PARP11: variants seen among roughly 807,000 people sequenced by gnomAD.
PARP11 encodes the protein poly(ADP-ribose) polymerase family member 11.
A neutral mutation model predicts 42.9 loss-of-function variants in PARP11; 31 were observed. The ratio of observed to expected loss-of-function variants is 0.72; its 90% CI spans 0.54 to 0.98. The LOEUF (loss-of-function observed/expected upper bound fraction) is 0.98. Ranked by LOEUF, PARP11 falls within the 50% of genes least tolerant of loss-of-function variation. The pLI, the probability that PARP11 is intolerant of heterozygous loss-of-function variation, is 0.00. For missense variants in PARP11, 365 were observed against 413.1 expected (o/e 0.88, Z 1.01); for synonymous variants, 137 against 127.3 (o/e 1.08, Z -0.51).
At chr12:3,842,164 A>G in intron 1 of PARP11, 3 of 1,611,924 alleles carry the variant, frequency 1.9e-6, no homozygotes, top group East Asian at 4.5e-5. Flanking sequence ...AAAGTAAAAG[A>G]TCCTAAGACT....
chr12:3,820,201 T>A (rs891064618), intron 6 of PARP11, among the ~76,000 whole-genome samples: 2 of 152,216 alleles, frequency 1.3e-5, no homozygotes, highest in South Asian at 4.1e-4. Flanking sequence ...AAGTAGGTAC[T>A]AAGACATTTT....
At chr12:3,832,810 A>G (rs1325512828) in intron 1 of PARP11, among the ~76,000 whole-genome samples, 2 of 152,248 alleles carry the variant, frequency 1.3e-5, no homozygotes, top group Admixed American at 6.5e-5. Flanking sequence ...TTCAGTCACA[A>G]TGCCATATCC....
intron 4 of PARP11, among the ~76,000 whole-genome samples, chr12:3,825,701 G>C (rs1165615932): frequency 1.3e-5 from 2 of 152,134 alleles, no homozygotes; most frequent in East Asian, 3.8e-4. Flanking sequence ...GTCAACAAAT[G>C]AGAGATTTGA....
At chr12:3,833,321 C>T (rs969190484) in intron 1 of PARP11, among the ~76,000 whole-genome samples, 8 of 152,042 alleles carry the variant, frequency 5.3e-5, no homozygotes, top group Admixed American at 1.3e-4. Context: ...ACTAGTAGGC[C>T]GGGCGTGGTA....
chr12:3,859,866 A>G (rs929145298), intron 1 of PARP11, among the ~76,000 whole-genome samples: 8 of 152,220 alleles, frequency 5.3e-5, no homozygotes, highest in African/African-American at 1.9e-4. Context: ...GGGTCATTTT[A>G]TCATGATAAA....
intron 1 of PARP11, among the ~76,000 whole-genome samples, chr12:3,865,653 A>G (rs1296794075): frequency 6.6e-6 from 1 of 152,126 alleles, no homozygotes; most frequent in African/African-American, 2.4e-5. Flanking sequence ...CCTTAACAAC[A>G]ATAAACCACT....
At chr12:3,838,290 A>G (rs1485944568) in intron 1 of PARP11, among the ~76,000 whole-genome samples, 1 of 152,026 alleles carries the variant, frequency 6.6e-6, no homozygotes, top group African/African-American at 2.4e-5. Context: ...AAACCAAAGA[A>G]AGGAGGAACT....
chr12:3,854,088 G>T (rs972501319), intron 1 of PARP11, among the ~76,000 whole-genome samples: 3 of 152,214 alleles, frequency 2.0e-5, no homozygotes, highest in African/African-American at 4.8e-5. Flanking sequence ...TGAAACCAAT[G>T]AGAACAAAGA....
In PARP11 at chr12:3,821,967, C is replaced by A; in HGVS notation, c.454G>T (p.Glu152Ter). Reference protein sequence around the residue: ...PLHNQTHEYNEVANLFGKTMD... With the variant: ...PLHNQTHEYN ...GTCTTCCCAAAGAGATTAGCAACTT[C>A]ATTATATTCATGTGTTTGATTGTGC... The change falls in exon 6 of 8, where the codon GAA becomes TAA. Residue 152 changes from glutamate (E) to a stop codon, truncating the protein, a stop_gained. Coordinates refer to ENST00000228820, the MANE Select transcript of PARP11 (RefSeq NM_020367.6). LOFTEE classifies it high-confidence loss of function. 6.2e-7 allele frequency: 1 copy of A among 1,610,390 alleles called. No individual in the cohort carries two copies.
At chr12:3,831,531 T>A (rs890288720) in intron 1 of PARP11, among the ~76,000 whole-genome samples, 1 of 152,098 alleles carries the variant, frequency 6.6e-6, no homozygotes, top group African/African-American at 2.4e-5. Flanking sequence ...CCTTCCTCAT[T>A]GGGATGTTGT....
intron 1 of PARP11, chr12:3,839,569 T>G: frequency 7.0e-7 from 1 of 1,430,290 alleles, no homozygotes; most frequent in Non-Finnish European, 9.9e-7. Context: ...ATTTGAAGGA[T>G]ATTTAAAGCG....
intron 1 of PARP11, among the ~76,000 whole-genome samples, chr12:3,854,218 T>C (rs987623061): frequency 4.0e-5 from 6 of 151,830 alleles, no homozygotes; most frequent in Non-Finnish European, 5.9e-5. Flanking sequence ...ACATCACAAT[T>C]AAAAGAACTA....
chr12:3,815,409 T>A (rs1947265274), intron 6 of PARP11, among the ~76,000 whole-genome samples: 1 of 152,226 alleles, frequency 6.6e-6, no homozygotes, highest in Admixed American at 6.5e-5. Context: ...CATTAACAAC[T>A]CAAATCACTC....
At position 3,809,386 on chromosome 12, in the gene PARP11, A is replaced by AAAC. The variant is rs1341883825; in HGVS notation, c.*2734_*2736dup. 1 of 152,188 alleles carries AAAC rather than the reference A, an allele frequency of 6.6e-6. No homozygotes were observed. Among genetic ancestry groups the AAAC allele is most frequent in the African/African-American group, 2.4e-5 (1 of 41,448 alleles). 9.4% of individuals were successfully genotyped at this position (152,188 alleles called of 1,614,324 possible). A position where few individuals can be genotyped will look rare whatever the true frequency, so the allele number is the denominator to read the frequency against. ...GGGGTTGGCAGTACATTCTCAGACCAAACAACAACAACAAGCCCCAAAAAA... is the reference window on the plus strand; with the variant it reads ...GGGGTTGGCAGTACATTCTCAGACCAAACAACAACAACAACAAGCCCCAAAAAA... On this transcript the variant is annotated 3_prime_UTR_variant, in exon 8 of 8. Transcript: ENST00000228820.
chr12:3,825,770 T>C (rs1337495262), intron 4 of PARP11, among the ~76,000 whole-genome samples: 1 of 152,102 alleles, frequency 6.6e-6, no homozygotes, highest in Non-Finnish European at 1.5e-5. Context: ...GTCGCCCAGG[T>C]TGGAGTGGCG....
At chr12:3,812,575 T>C in intron 7 of PARP11, 136 bp from the exon 8 acceptor site, 1 of 649,968 alleles carries the variant, frequency 1.5e-6, no homozygotes, top group Non-Finnish European at 2.6e-6. Flanking sequence ...CATCTGCAGA[T>C]CTTTAAGAGA....
At chr12:3,856,042 T>A (rs1238470362) in intron 1 of PARP11, among the ~76,000 whole-genome samples, 1 of 152,238 alleles carries the variant, frequency 6.6e-6, no homozygotes, top group Non-Finnish European at 1.5e-5. Flanking sequence ...AAGGATTCCC[T>A]ATTTAATAAA....
chr12:3,830,036 G>T lies in PARP11; in HGVS notation c.19-18C>A, dbSNP rs769924235. 1 of 1,609,786 alleles carries T rather than the reference G, an allele frequency of 6.2e-7. No individual in the cohort carries two copies. The highest frequency in any genetic ancestry group is 2.2e-5 in the East Asian group (1 of 44,834). ...AACATCTCCTGAAAAGCCAGAAGGA[G>T]GTGGAGGAAGAAATAATTCTATTAA... On this transcript the variant is annotated intron_variant, in intron 1 of 7. Coordinates refer to ENST00000228820, the MANE Select transcript of PARP11 (RefSeq NM_020367.6).
chr12:3,832,478 T>A (rs1591772864), intron 1 of PARP11, among the ~76,000 whole-genome samples: 2 of 152,342 alleles, frequency 1.3e-5, no homozygotes, highest in East Asian at 3.9e-4. Flanking sequence ...TTTTCACACA[T>A]GGACAGTTAT....
Sources: allele counts gnomAD v4.1 joint callset (sites outside exome capture counted in the v4.1 genomes callset), GRCh38; gene constraint gnomAD v4.1.1; transcripts MANE v1.5; gene names NCBI Gene and HGNC (gene_info 2026-07-23, HGNC 2026-07-21).